CBLB: variants seen among roughly 807,000 people sequenced by gnomAD.
The protein encoded by CBLB is E3 ubiquitin-protein ligase CBL-B.
In CBLB, 31 loss-of-function variants were observed where a neutral mutation model predicts 104.9. The observed-to-expected ratio is 0.30, with a 90% CI of 0.22 to 0.40. The LOEUF is 0.40. CBLB is among the 10% of genes least tolerant of loss of function. The pLI, the probability that CBLB is intolerant of heterozygous loss-of-function variation, is 1.00. For missense variants in CBLB, 1,062 were observed against 1,214.6 expected (o/e 0.87, Z 1.87); for synonymous variants, 440 against 422.6 (o/e 1.04, Z -0.51).
At chr3:105,868,087 A>T in intron 1 of CBLB, 4 of 535,258 alleles carry the variant, frequency 7.5e-6, no homozygotes, top group Non-Finnish European at 1.2e-5. Context: ...TATCCTACAC[A>T]AACGTAAGGG....
chr3:105,753,993 A>G (rs567615250), intron 4 of CBLB, among the ~76,000 whole-genome samples: 3 of 152,284 alleles, frequency 2.0e-5, no homozygotes, highest in African/African-American at 7.2e-5. Context: ...AGAGGCATTC[A>G]CTGGAATCTT....
intron 3 of CBLB, among the ~76,000 whole-genome samples, chr3:105,809,615 AC>A: frequency 6.6e-6 from 1 of 152,142 alleles, no homozygotes; most frequent in Non-Finnish European, 1.5e-5. Context: ...CTTTATGCTT[AC>A]TCTTTTTTAT....
intron 7 of CBLB, 116 bp downstream of exon 7, chr3:105,740,378 T>C: frequency 1.0e-6 from 1 of 1,003,230 alleles, no homozygotes; most frequent in South Asian, 1.3e-5. Context: ...ACATCCATTA[T>C]TTCTCAGTCT....
At chr3:105,812,343 C>G (rs1302472753) in intron 3 of CBLB, among the ~76,000 whole-genome samples, 2 of 152,262 alleles carry the variant, frequency 1.3e-5, no homozygotes, top group South Asian at 4.1e-4. Context: ...TGAATAAAAA[C>G]AGACCAGTCA....
At chr3:105,841,848 T>C (rs184610479) in intron 3 of CBLB, among the ~76,000 whole-genome samples, 8 of 152,316 alleles carry the variant, frequency 5.3e-5, no homozygotes, top group Non-Finnish European at 1.0e-4. Context: ...AGATACATTA[T>C]GGTTTTTAAG....
At chr3:105,702,554 A>G (rs1373691212) in intron 11 of CBLB, 95 bp from the exon 12 acceptor site, 30 of 1,307,978 alleles carry the variant, frequency 2.3e-5, no homozygotes, top group Non-Finnish European at 3.0e-5. Flanking sequence ...TTATTGCTTT[A>G]ATTTTCTAAG....
chr3:105,797,159 C>A (rs1327562378), intron 3 of CBLB, among the ~76,000 whole-genome samples: 1 of 152,090 alleles, frequency 6.6e-6, no homozygotes, highest in African/African-American at 2.4e-5. Context: ...GCATTATTCA[C>A]AATAGCAAAG....
chr3:105,693,782 C>CA (rs1438600054), intron 12 of CBLB, among the ~76,000 whole-genome samples, 194 bp from the exon 13 acceptor site: 1 of 151,822 alleles, frequency 6.6e-6, no homozygotes, highest in African/African-American at 2.4e-5. Context: ...CAAGCTTACA[C>CA]AAAAAATAAA....
rs760472180 is a variant in CBLB at position 105,670,304 on chromosome 3, C to G, written c.2618G>C (p.Arg873Thr). The change falls in exon 18 of 19, where the codon AGA (arginine) becomes ACA (threonine). Residue 873 changes from arginine to threonine, a missense_variant. By Grantham distance (71) the Arg-to-Thr change is moderately conservative. This residue lies in a region of CBLB where 605 missense variants were observed against 582.6 expected (regional missense o/e 1.04). Transcript: ENST00000394030. ...TTTGACATTTTCACCTGGTAACCTT[C>G]TAGCAGGAGGCAAAGGAACTTGGCC... The part of the protein sequence containing the change: ...ASGQVPLPPA[R>T]RLPGENVKTN... The G allele has an allele frequency of 1.2e-6, 2 of 1,610,200 alleles. No homozygotes were observed. The highest frequency in any genetic ancestry group is 2.7e-5 in the African/African-American group (2 of 74,806).
intron 1 of CBLB, 79 bp downstream of exon 1, chr3:105,868,657 T>C (rs536713356): frequency 2.7e-5 from 25 of 942,958 alleles, no homozygotes; most frequent in African/African-American, 1.4e-4. Context: ...CTCTTCCTCC[T>C]TGGCCCGCGC....
chr3:105,817,506 G>A (rs1189102007), intron 3 of CBLB, among the ~76,000 whole-genome samples: 1 of 152,130 alleles, frequency 6.6e-6, no homozygotes, highest in Non-Finnish European at 1.5e-5. Context: ...CAAGAGGAAT[G>A]CACATTAAGT....
At chr3:105,677,801 AAAT>A (rs1414402643) in intron 17 of CBLB, among the ~76,000 whole-genome samples, 59 of 148,968 alleles carry the variant, frequency 4.0e-4, no homozygotes, top group Admixed American at 1.2e-3. Flanking sequence ...AATATTAAAC[AAAT>A]AATATTATAT....
chr3:105,692,814 A>G (rs940944506), intron 13 of CBLB, among the ~76,000 whole-genome samples: 3 of 150,938 alleles, frequency 2.0e-5, no homozygotes, highest in Non-Finnish European at 4.4e-5. Flanking sequence ...AAAGAGCAGG[A>G]AAATTAGAAT....
chr3:105,844,007 A>T (rs147964771), intron 3 of CBLB, among the ~76,000 whole-genome samples: 25 of 152,290 alleles, frequency 1.6e-4, no homozygotes, highest in Non-Finnish European at 2.5e-4. Flanking sequence ...AGCTGTAATG[A>T]AGTCAAGATG....
intron 1 of CBLB, 140 bp from the exon 2 acceptor site, chr3:105,867,731 T>G (rs1485966624): frequency 1.4e-6 from 1 of 709,966 alleles, no homozygotes; most frequent in African/African-American, 1.8e-5. Flanking sequence ...TTCATCTTTA[T>G]CAATAAGCTT....
At chr3:105,661,681 G>A (rs914041409) in intron 18 of CBLB, among the ~76,000 whole-genome samples, 9 of 152,094 alleles carry the variant, frequency 5.9e-5, no homozygotes, top group South Asian at 2.1e-4. Flanking sequence ...ATACTATGAC[G>A]AATGCCTCTA....
chr3:105,665,390 AAAATAAATAAATAAAT>A (rs200538551), intron 18 of CBLB, among the ~76,000 whole-genome samples: 26 of 122,368 alleles, frequency 2.1e-4, no homozygotes, highest in Middle Eastern at 4.0e-3. Flanking sequence ...TGTCTCCAAA[AAAATAAATAAATAAAT>A]AAATAAATAA....
chr3:105,681,440 G>C, intron 16 of CBLB, 39 bp downstream of exon 16: 2 of 1,599,294 alleles, frequency 1.3e-6, no homozygotes, highest in Non-Finnish European at 1.7e-6. Flanking sequence ...TTAAAAGAAG[G>C]AGGGGTGGGT....
chr3:105,753,079 T>TG (rs759361643), intron 4 of CBLB, among the ~76,000 whole-genome samples: 31 of 152,160 alleles, frequency 2.0e-4, no homozygotes, highest in Non-Finnish European at 4.3e-4. Context: ...CAATGCTAGC[T>TG]GGGTGATGGA....
Sources: gnomAD v4.1 joint callset for allele counts (sites outside exome capture counted in the v4.1 genomes callset) on GRCh38, gnomAD v4.1.1 for gene constraint, gnomAD v4.1.1 regional missense constraint, MANE v1.5 for transcripts, NCBI Gene and HGNC (gene_info 2026-07-23, HGNC 2026-07-21) for gene names.